The following ESRRB variants were observed in gnomAD, a reference collection of about 807,000 sequenced individuals.
ESRRB encodes the protein estrogen related receptor beta.
In ESRRB, 16 loss-of-function variants were observed where a neutral mutation model predicts 46.0. The observed-to-expected ratio is 0.35, with a 90% CI of 0.24 to 0.53. ESRRB has a LOEUF of 0.53. Among genes scored for constraint, ESRRB ranks in the 20% least tolerant of loss-of-function variants. The pLI, the probability that ESRRB is intolerant of heterozygous loss-of-function variation, is 0.93. For synonymous variants in ESRRB, 246 were observed against 259.6 expected (o/e 0.95, Z 0.50); for missense variants, 488 against 607.4 (o/e 0.80, Z 2.07).
chr14:76,321,018 C>T (rs1285369004), intron 1 of ESRRB, among the ~76,000 whole-genome samples: 1 of 152,102 alleles, frequency 6.6e-6, no homozygotes, highest in Non-Finnish European at 1.5e-5. Flanking sequence ...TTTCTGGGTC[C>T]CTCTGTGCTT....
intron 6 of ESRRB, among the ~76,000 whole-genome samples, chr14:76,492,615 G>A (rs1890274201): frequency 6.6e-6 from 1 of 152,214 alleles, no homozygotes; most frequent in Non-Finnish European, 1.5e-5. Context: ...GTTAAAAAGT[G>A]TCAGAGTTAA....
rs534462027 is a variant in ESRRB at position 76,312,615 on chromosome 14, C to T, written c.2+1699C>T. Among the ~76,000 whole-genome samples the T allele has an allele frequency of 1.7e-4, 26 of 151,474 alleles. No homozygotes were observed. The South Asian group carries it at 2.3e-3, about 14-fold the overall frequency. ...TCTAAGAACTCCAGAGGGGGACAAACGCCAACTAGGAGTTAAAGTGTCTTA... is the reference window on the plus strand; with the variant it reads ...TCTAAGAACTCCAGAGGGGGACAAATGCCAACTAGGAGTTAAAGTGTCTTA... On this transcript the variant is annotated intron_variant, in intron 1 of 6. Coordinates refer to the ESRRB transcript ENST00000512784.
At chr14:76,414,679 A>C (rs1595094305) in intron 1 of ESRRB, among the ~76,000 whole-genome samples, 1 of 142,376 alleles carries the variant, frequency 7.0e-6, no homozygotes, top group African/African-American at 2.8e-5. Flanking sequence ...AAAAAAAAAA[A>C]AAAAAAAAAA....
chr14:76,339,858 A>C lies in ESRRB; in HGVS notation c.2+28942A>C, dbSNP rs376311833. On this transcript the variant is annotated intron_variant, in intron 1 of 6. Coordinates refer to the ESRRB transcript ENST00000512784. ...CAAAAGGACATATTGATTGGTTTGT[A>C]GAAGCATTTCCTGGGGTGCTTTATA... Among the ~76,000 whole-genome samples, 9 of 152,324 alleles carry C rather than the reference A, an allele frequency of 5.9e-5. No individual in the cohort carries two copies. The East Asian group carries it at 1.5e-3, about 26-fold the overall frequency.
intron 5 of ESRRB, among the ~76,000 whole-genome samples, chr14:76,489,365 A>G (rs1377123907): frequency 1.3e-5 from 2 of 150,500 alleles, no homozygotes; most frequent in African/African-American, 2.5e-5. Flanking sequence ...GTCCATTTCT[A>G]TCTATCTTTT....
intron 2 of ESRRB, among the ~76,000 whole-genome samples, chr14:76,441,450 G>T (rs535980010): frequency 6.6e-6 from 1 of 152,226 alleles, no homozygotes; most frequent in African/African-American, 2.4e-5. Context: ...AGACCACTGG[G>T]ACCACTGGTG....
At chr14:76,460,174 T>A (rs1421342733) in intron 2 of ESRRB, among the ~76,000 whole-genome samples, 1 of 152,094 alleles carries the variant, frequency 6.6e-6, no homozygotes, top group Admixed American at 6.6e-5. Context: ...GGGGAGGTGG[T>A]GACACAGGGA....
chr14:76,405,007 C>T (rs1886115077), intron 1 of ESRRB, among the ~76,000 whole-genome samples: 1 of 152,102 alleles, frequency 6.6e-6, no homozygotes, highest in South Asian at 2.1e-4. Flanking sequence ...GAGTTTTTGC[C>T]CTCCTGTGTG....
Position 76,499,972 on chromosome 14 carries a change from C to G in ESRRB, c.*1514C>G, listed in dbSNP as rs573083522. The G allele has an allele frequency of 3.1e-6, 5 of 1,600,918 alleles. No individual in the cohort carries two copies. The highest frequency in any genetic ancestry group is 4.3e-6 in the Non-Finnish European group (5 of 1,173,428). ...TTCACAAGCAGGGATCAGAGCAACT[C>G]CCCGGGGATCCCCAATCCACGCCCT... On this transcript the variant is annotated 3_prime_UTR_variant, in exon 7 of 7. Coordinates refer to ENST00000644823, the MANE Select transcript of ESRRB (RefSeq NM_001379180.1).
At chr14:76,387,219 A>G (rs1885268551) in intron 1 of ESRRB, among the ~76,000 whole-genome samples, 1 of 152,180 alleles carries the variant, frequency 6.6e-6, no homozygotes, top group Non-Finnish European at 1.5e-5. Context: ...ACAGGGTACC[A>G]GCGGACCCCA....
intron 2 of ESRRB, among the ~76,000 whole-genome samples, chr14:76,457,966 C>T (rs139840289): frequency 3.3e-5 from 5 of 152,138 alleles, no homozygotes; most frequent in African/African-American, 7.2e-5. Flanking sequence ...TGAGCCACTG[C>T]GCCTGGCCTG....
In ESRRB at chr14:76,402,121, C is replaced by T. The variant is rs570262735; in HGVS notation, c.50+25670C>T. On this transcript the variant is annotated intron_variant, in intron 1 of 6. Transcript: ENST00000644823. Reference sequence around the variant, plus strand: ...GTCAGTCTTTTTGTTTTATTCAGGCCTCTAGCTGATTGGATGATTGCACAG... The same window carrying T: ...GTCAGTCTTTTTGTTTTATTCAGGCTTCTAGCTGATTGGATGATTGCACAG... 5.9e-5 allele frequency among the ~76,000 whole-genome samples: 9 copies of T among 152,336 alleles called. 1 individual carries two copies. The East Asian group carries it at 1.7e-3, about 29-fold the overall frequency.
chr14:76,346,783 A>C (rs1566857200), intron 1 of ESRRB, among the ~76,000 whole-genome samples: 3 of 152,210 alleles, frequency 2.0e-5, no homozygotes, highest in Non-Finnish European at 4.4e-5. Flanking sequence ...AAGGTCTGAG[A>C]GGTGTGCCCA....
upstream of ESRRB, among the ~76,000 whole-genome samples, chr14:76,370,198 G>A (rs1416257717): frequency 6.7e-6 from 1 of 150,110 alleles, no homozygotes; most frequent in Admixed American, 6.7e-5. Context: ...GACCAGCCTG[G>A]GTAACATGGC....
At chr14:76,342,642 A>G (rs1318006816) in intron 1 of ESRRB, among the ~76,000 whole-genome samples, 1 of 152,154 alleles carries the variant, frequency 6.6e-6, no homozygotes, top group Non-Finnish European at 1.5e-5. Flanking sequence ...TTCTGGTTTG[A>G]ATTTGGTCCG....
At chr14:76,479,559 A>G (rs920797096) in intron 3 of ESRRB, among the ~76,000 whole-genome samples, 2 of 152,186 alleles carry the variant, frequency 1.3e-5, no homozygotes, top group East Asian at 1.9e-4. Flanking sequence ...TTCAAAGAGT[A>G]CATTTAGAAA....
At position 76,412,010 on chromosome 14, in the gene ESRRB, C is replaced by T. The variant is rs115273099; in HGVS notation, c.51-27331C>T. The stretch of plus-strand genomic sequence containing the variant: ...TTCCCATTTTATTCCCGTCTCTTTA[C>T]CAGTTTTAAATCAAGATCTTGATTC... On this transcript the variant is annotated intron_variant, in intron 1 of 6. Coordinates refer to ENST00000644823, the MANE Select transcript of ESRRB (RefSeq NM_001379180.1). Among the ~76,000 whole-genome samples, 673 of 152,228 alleles carry T rather than the reference C, an allele frequency of 4.4e-3. 6 individuals are homozygous for T. Among genetic ancestry groups the T allele is most frequent in the African/African-American group, 0.016 (649 of 41,550 alleles).
chr14:76,499,521 C>T lies in ESRRB; in HGVS notation c.*1063C>T. The T allele has an allele frequency of 2.4e-6, 1 of 412,116 alleles. No individual in the cohort carries two copies. The allele number at this position is 412,116 out of a possible 1,614,324, so 25.5% of individuals were successfully genotyped here. A position where few individuals can be genotyped will look rare whatever the true frequency, so the allele number is the denominator to read the frequency against. On this transcript the variant is annotated 3_prime_UTR_variant, in exon 7 of 7. Transcript: ENST00000644823. ...GGAGGGAACTCAGCGGGGTGGCCTGCCTCATCCTTCCTGGCTTCCCTTCCC... is the reference window on the plus strand; with the variant it reads ...GGAGGGAACTCAGCGGGGTGGCCTGTCTCATCCTTCCTGGCTTCCCTTCCC...
chr14:76,480,103 A>G (rs1889746488), intron 3 of ESRRB, among the ~76,000 whole-genome samples: 1 of 152,116 alleles, frequency 6.6e-6, no homozygotes, highest in Non-Finnish European at 1.5e-5. Flanking sequence ...CCTGACCTCA[A>G]GGGCTACGGC....
Sources: gnomAD v4.1 joint callset for allele counts (sites outside exome capture counted in the v4.1 genomes callset) on GRCh38, gnomAD v4.1.1 for gene constraint, MANE v1.5 for transcripts, NCBI Gene and HGNC (gene_info 2026-07-23, HGNC 2026-07-21) for gene names.